Variants in SETD3 observed in about 807,000 individuals in gnomAD.
SETD3 encodes the protein actin-histidine N-methyltransferase.
SETD3 carries 19 observed loss-of-function variants against 63.0 expected under a neutral mutation model. That is an observed-to-expected ratio of 0.30 (90% confidence interval 0.21 to 0.44). The LOEUF (loss-of-function observed/expected upper bound fraction) is 0.44. SETD3 is among the 20% of genes least tolerant of loss of function. SETD3 has a pLI of 1.00. For synonymous variants in SETD3, 286 were observed against 264.1 expected (o/e 1.08, Z -0.80); for missense variants, 587 against 728.5 (o/e 0.81, Z 2.24).
At chr14:99,444,653 A>G (rs1317335462) in intron 6 of SETD3, among the ~76,000 whole-genome samples, 4 of 152,124 alleles carry the variant, frequency 2.6e-5, no homozygotes, top group African/African-American at 4.8e-5. Context: ...GAGCTCATGA[A>G]TTTGAGATCA....
chr14:99,460,261 C>G (rs965983582), intron 4 of SETD3, among the ~76,000 whole-genome samples: 4 of 152,178 alleles, frequency 2.6e-5, no homozygotes, highest in African/African-American at 9.7e-5. Context: ...GAAAGGTTAA[C>G]TACAACTTAG....
intron 1 of SETD3, among the ~76,000 whole-genome samples, chr14:99,470,973 G>A (rs113758899): frequency 3.3e-5 from 5 of 152,044 alleles, no homozygotes; most frequent in Non-Finnish European, 5.9e-5. Context: ...TACTTCAGCC[G>A]AAATGCCCTG....
intron 6 of SETD3, among the ~76,000 whole-genome samples, chr14:99,441,552 G>C (rs753850926): frequency 6.6e-6 from 1 of 152,248 alleles, no homozygotes; most frequent in Non-Finnish European, 1.5e-5. Flanking sequence ...CCGCACGCTA[G>C]CACAGATGTC....
intron 1 of SETD3, among the ~76,000 whole-genome samples, chr14:99,472,653 T>C (rs1186819936): frequency 6.6e-6 from 1 of 152,224 alleles, no homozygotes; most frequent in East Asian, 1.9e-4. Flanking sequence ...TAGGAAAATA[T>C]AAATGCATAC....
At chr14:99,436,850 C>G (rs139402137) in intron 6 of SETD3, among the ~76,000 whole-genome samples, 7 of 152,292 alleles carry the variant, frequency 4.6e-5, no homozygotes, top group African/African-American at 1.7e-4. Flanking sequence ...TTAAGTCCTT[C>G]CATTTTAGCA....
At chr14:99,401,958 G>A (rs1302236266) in intron 11 of SETD3, among the ~76,000 whole-genome samples, 1 of 152,124 alleles carries the variant, frequency 6.6e-6, no homozygotes, top group East Asian at 1.9e-4. Flanking sequence ...AATGTAGCAT[G>A]TGGCCTGCCT....
intron 8 of SETD3, chr14:99,410,303 T>G: frequency 6.2e-7 from 1 of 1,601,256 alleles, no homozygotes; most frequent in Non-Finnish European, 8.5e-7. Context: ...ACTTGTCTGC[T>G]ATTGTAAAAA....
In SETD3 at chr14:99,399,142, A is replaced by C. The variant is rs1891242110; in HGVS notation, c.1339-17T>G. On this transcript the variant is annotated splice_polypyrimidine_tract_variant and intron_variant, in intron 12 of 12. Transcript: ENST00000331768. ...TTTATCTTCCTGGAAAACAAGAGCA[A>C]AATTAATTACAAGAAGTCTAAACCA... 2 of 1,608,368 alleles carry C rather than the reference A, an allele frequency of 1.2e-6. No homozygotes were observed. Among genetic ancestry groups the C allele is most frequent in the Non-Finnish European group, 1.7e-6 (2 of 1,175,716 alleles).
At chr14:99,399,908 A>G (rs1170715281) in intron 12 of SETD3, among the ~76,000 whole-genome samples, 191 bp downstream of exon 12, 3 of 151,718 alleles carry the variant, frequency 2.0e-5, no homozygotes, top group Non-Finnish European at 4.4e-5. Flanking sequence ...CACCCAGCTA[A>G]TTTCTGTATT....
intron 1 of SETD3, among the ~76,000 whole-genome samples, chr14:99,469,989 C>T (rs946096025): frequency 3.9e-5 from 6 of 152,210 alleles, no homozygotes; most frequent in African/African-American, 1.4e-4. Flanking sequence ...CTTTCGCTCA[C>T]ACGTCTTTCC....
intron 6 of SETD3, among the ~76,000 whole-genome samples, chr14:99,456,808 T>C (rs1894786975): frequency 6.6e-6 from 1 of 152,204 alleles, no homozygotes; most frequent in African/African-American, 2.4e-5. Flanking sequence ...AATACTGAAG[T>C]AAATGGACCA....
At chr14:99,478,547 C>T (rs956600442) in intron 1 of SETD3, among the ~76,000 whole-genome samples, 1 of 152,144 alleles carries the variant, frequency 6.6e-6, no homozygotes, top group Non-Finnish European at 1.5e-5. Context: ...TTGAAGAAAA[C>T]TGGTACGCCT....
At chr14:99,455,858 T>TA (rs1332056778) in intron 6 of SETD3, among the ~76,000 whole-genome samples, 1 of 152,054 alleles carries the variant, frequency 6.6e-6, no homozygotes, top group Non-Finnish European at 1.5e-5. Context: ...AATTCAACAA[T>TA]AAAAAATGTC....
At chr14:99,477,456 T>C (rs1055642396) in intron 1 of SETD3, among the ~76,000 whole-genome samples, 1 of 152,170 alleles carries the variant, frequency 6.6e-6, no homozygotes, top group Admixed American at 6.5e-5. Context: ...AAGTAACTTT[T>C]TAAAAAGCCA....
intron 2 of SETD3, among the ~76,000 whole-genome samples, chr14:99,465,358 C>T (rs1895311453): frequency 6.6e-6 from 1 of 152,166 alleles, no homozygotes; most frequent in Non-Finnish European, 1.5e-5. Context: ...CACTGAGTTT[C>T]GGAAGGGTTC....
chr14:99,437,734 T>C (rs1893567133), intron 6 of SETD3, among the ~76,000 whole-genome samples: 1 of 152,192 alleles, frequency 6.6e-6, no homozygotes, highest in African/African-American at 2.4e-5. Context: ...ATAAATCTCT[T>C]TCAGTTTTGA....
At chr14:99,472,669 T>A (rs1895766170) in intron 1 of SETD3, among the ~76,000 whole-genome samples, 1 of 152,236 alleles carries the variant, frequency 6.6e-6, no homozygotes, top group African/African-American at 2.4e-5. Flanking sequence ...CATACTGAAT[T>A]AATTATATGT....
At chr14:99,457,262 G>A (rs1894812594) in intron 6 of SETD3, among the ~76,000 whole-genome samples, 1 of 152,156 alleles carries the variant, frequency 6.6e-6, no homozygotes, top group East Asian at 1.9e-4. Context: ...CTAAAGTTTA[G>A]AAAAACCGAG....
intron 6 of SETD3, among the ~76,000 whole-genome samples, chr14:99,457,210 T>C (rs1894808824): frequency 6.6e-6 from 1 of 152,220 alleles, no homozygotes; most frequent in Non-Finnish European, 1.5e-5. Context: ...CAACTTGAAA[T>C]AAAAGCTATA....
Sources: allele counts gnomAD v4.1 joint callset (sites outside exome capture counted in the v4.1 genomes callset), GRCh38; gene constraint gnomAD v4.1.1; transcripts MANE v1.5; gene names NCBI Gene and HGNC (gene_info 2026-07-23, HGNC 2026-07-21).